The following PCDHGA1 variants were observed in gnomAD, a reference collection of about 807,000 sequenced individuals.
PCDHGA1 encodes protocadherin gamma-A1.
In PCDHGA1, 32 loss-of-function variants were observed where a neutral mutation model predicts 58.0. The ratio of observed to expected loss-of-function variants is 0.55; its 90% CI spans 0.42 to 0.74. The LOEUF (loss-of-function observed/expected upper bound fraction) is 0.74, where lower values mean the gene tolerates loss of function less well. PCDHGA1 is among the 30% of genes least tolerant of loss of function. PCDHGA1 has a pLI of 0.00. For missense variants in PCDHGA1, 1,205 were observed against 1,182.3 expected, an observed-to-expected ratio of 1.02 and a Z score of -0.28; for synonymous variants, 498 against 501.1, an observed-to-expected ratio of 0.99 and a Z score of 0.08.
At chr5:141,430,811 A>G (rs1193066300) in intron 1 of PCDHGA1, 1 of 1,527,400 alleles carries the variant, frequency 6.5e-7, no homozygotes. Flanking sequence ...CCTGCTGGGA[A>G]TCCTCCTGGG....
chr5:141,341,475 T>TC, intron 1 of PCDHGA1: 1 of 1,580,280 alleles, frequency 6.3e-7, no homozygotes, highest in Non-Finnish European at 8.6e-7. Flanking sequence ...TCTATTTTGT[T>TC]CCCCATATTT....
intron 1 of PCDHGA1, chr5:141,346,029 G>T (rs1487000938): frequency 6.2e-7 from 1 of 1,613,520 alleles, no homozygotes; most frequent in East Asian, 2.2e-5. Flanking sequence ...GGCCGTGGCC[G>T]ACAGGATCCC....
chr5:141,486,146 G>T lies in PCDHGA1; in HGVS notation c.2422-8661G>T. Reference sequence around the variant, plus strand: ...TGAATTTGATGTGCGGGCTCGCGATGGGGGTTCTCCAGCCATGGAGCAACA... The same window carrying T: ...TGAATTTGATGTGCGGGCTCGCGATTGGGGTTCTCCAGCCATGGAGCAACA... On this transcript the variant is annotated intron_variant, in intron 1 of 3. Transcript: ENST00000517417. The surrounding 1 kb of genome is among the most constrained non-coding windows in gnomAD (Gnocchi z 5.0). 6.2e-7 allele frequency: 1 copy of T among 1,614,184 alleles called. No homozygotes were observed. The highest frequency in any genetic ancestry group is 8.5e-7 in the Non-Finnish European group (1 of 1,180,032).
At chr5:141,403,875 A>T in intron 1 of PCDHGA1, 1 of 1,613,816 alleles carries the variant, frequency 6.2e-7, no homozygotes, top group Non-Finnish European at 8.5e-7. Flanking sequence ...AAAAGTCTAG[A>T]TTATGAAGAA....
At chr5:141,418,654 G>C (rs2096278227) in intron 1 of PCDHGA1, 1 of 1,614,016 alleles carries the variant, frequency 6.2e-7, no homozygotes, top group African/African-American at 1.3e-5. Context: ...TGAGAGTGAA[G>C]GCCACTGACC....
At chr5:141,478,766 T>C in intron 1 of PCDHGA1, 2 of 1,505,456 alleles carry the variant, frequency 1.3e-6, no homozygotes, top group Non-Finnish European at 1.8e-6. Flanking sequence ...GATACTTGAC[T>C]CATCTGTGGA....
chr5:141,398,212 C>T, intron 1 of PCDHGA1: 1 of 1,484,360 alleles, frequency 6.7e-7, no homozygotes, highest in South Asian at 1.3e-5. Flanking sequence ...CTGCCCGGCG[C>T]TCTGTGAGCA....
chr5:141,355,302 G>C (rs1759792731), intron 1 of PCDHGA1: 3 of 1,613,798 alleles, frequency 1.9e-6, no homozygotes, highest in Non-Finnish European at 2.5e-6. Flanking sequence ...TTCTCTACTC[G>C]GTGTTTGAGG....
intron 1 of PCDHGA1, among the ~76,000 whole-genome samples, chr5:141,464,833 G>A (rs1015373577): frequency 6.6e-6 from 1 of 151,990 alleles, no homozygotes; most frequent in African/African-American, 2.4e-5. Context: ...CGCACTCCTG[G>A]GCTCAAGCAA....
At chr5:141,338,778 C>T in intron 1 of PCDHGA1, 1 of 1,297,658 alleles carries the variant, frequency 7.7e-7, no homozygotes, top group Non-Finnish European at 9.7e-7. Context: ...AATACGGCTC[C>T]CACAGCACAA....
At chr5:141,346,343 C>T (rs1449608526) in intron 1 of PCDHGA1, 7 of 1,614,100 alleles carry the variant, frequency 4.3e-6, no homozygotes, top group South Asian at 3.3e-5. Flanking sequence ...ACCTGATTTT[C>T]CCCCAGCCCA....
chr5:141,419,926 G>A lies in PCDHGA1; in HGVS notation c.2422-74881G>A. 3 of 1,614,096 alleles carry A rather than the reference G, an allele frequency of 1.9e-6. No homozygotes were observed. In the South Asian group the frequency reaches 3.3e-5, roughly 18 times the overall value. On this transcript the variant is annotated intron_variant, in intron 1 of 3. Transcript: ENST00000517417. ...CCTCTGACTCCCAGGCTGAGATGCA[G>A]TTTTACCTGGTGGTGGCCTTGGCCT... is the stretch of plus-strand genomic sequence containing the variant.
chr5:141,339,449 G>A lies in PCDHGA1; in HGVS notation c.2421+6344G>A, dbSNP rs1334378578. On this transcript the variant is annotated intron_variant, in intron 1 of 3. Transcript: ENST00000517417. Reference sequence around the variant, plus strand: ...GATTCCTCTTAAGAATGCGCATGATGCAGACGTAGGTGAGAACGCCCTTCA... The same window carrying A: ...GATTCCTCTTAAGAATGCGCATGATACAGACGTAGGTGAGAACGCCCTTCA... The A allele has an allele frequency of 1.9e-6, 3 of 1,614,122 alleles. No individual in the cohort carries two copies. Among genetic ancestry groups the A allele is most frequent in the Non-Finnish European group, 2.5e-6 (3 of 1,180,062 alleles).
chr5:141,350,470 T>C, intron 1 of PCDHGA1: 1 of 1,613,972 alleles, frequency 6.2e-7, no homozygotes, highest in East Asian at 2.2e-5. Context: ...GTGCAGAGGA[T>C]TATTTCAACG....
chr5:141,372,405 A>T, intron 1 of PCDHGA1: 2 of 1,614,024 alleles, frequency 1.2e-6, no homozygotes, highest in Non-Finnish European at 1.7e-6. Context: ...CTTGCAAGAG[A>T]TACAACCTGA....
At position 141,412,987 on chromosome 5, in the gene PCDHGA1, A is replaced by G. The variant is rs192699644; in HGVS notation, c.2421+79882A>G. The G allele has an allele frequency of 3.7e-3, 2,104 of 564,638 alleles. 8 individuals carry two copies. Among genetic ancestry groups the G allele is most frequent in the Admixed American group, 0.011 (308 of 27,526 alleles). 35.0% of individuals were successfully genotyped at this position (564,638 alleles called of 1,614,324 possible). ...AGGAGAGAAAACGCAGCCAGAGCTCAATCCGGATTCTCAGGGCTTCAACTA... is the reference window on the plus strand; with the variant it reads ...AGGAGAGAAAACGCAGCCAGAGCTCGATCCGGATTCTCAGGGCTTCAACTA... On this transcript the variant is annotated intron_variant, in intron 1 of 3. Transcript: ENST00000517417.
At chr5:141,362,139 G>T in intron 1 of PCDHGA1, 1 of 1,614,030 alleles carries the variant, frequency 6.2e-7, no homozygotes, top group Non-Finnish European at 8.5e-7. Context: ...CGGATAGCCT[G>T]CAAGAGGTAT....
At chr5:141,344,268 C>G in intron 1 of PCDHGA1, 5 of 1,614,068 alleles carry the variant, frequency 3.1e-6, no homozygotes, top group Non-Finnish European at 4.2e-6. Flanking sequence ...CTCTCTGAAT[C>G]CGCAAAGCGG....
chr5:141,351,748 G>T (rs1441562822), intron 1 of PCDHGA1: 2 of 1,613,560 alleles, frequency 1.2e-6, no homozygotes, highest in East Asian at 4.5e-5. Context: ...AGCCGCGGGA[G>T]CTGTTGTCCT....
Sources: allele counts gnomAD v4.1 joint callset (sites outside exome capture counted in the v4.1 genomes callset), GRCh38; gene constraint gnomAD v4.1.1; non-coding constraint Gnocchi (gnomAD v3.1); transcripts MANE v1.5; gene names NCBI Gene and HGNC (gene_info 2026-07-23, HGNC 2026-07-21).